The following CHD9 variants were observed in gnomAD, a reference collection of about 807,000 sequenced individuals.
CHD9 encodes ATP-dependent chromatin remodeler CHD9.
In CHD9, 77 loss-of-function variants were observed where a neutral mutation model predicts 316.1. The ratio of observed to expected loss-of-function variants is 0.24; its 90% CI spans 0.20 to 0.29. The LOEUF (loss-of-function observed/expected upper bound fraction) is 0.29, where lower values mean the gene tolerates loss of function less well. Among genes scored for constraint, CHD9 ranks in the 10% least tolerant of loss-of-function variants. The probability of loss-of-function intolerance (pLI) is 1.00; values close to 1 mark genes in which losing one functional copy is unlikely to be tolerated. For synonymous variants in CHD9, 1,129 were observed against 1,158.3 expected, an observed-to-expected ratio of 0.97 and a Z score of 0.51; for missense variants, 2,763 against 3,438.1, an observed-to-expected ratio of 0.80 and a Z score of 4.91.
At chr16:53,160,246 T>C (rs1297235288) in intron 2 of CHD9, among the ~76,000 whole-genome samples, 1 of 152,232 alleles carries the variant, frequency 6.6e-6, no homozygotes, top group East Asian at 1.9e-4. Flanking sequence ...CCTAAGACTT[T>C]ATCATTTTGA....
rs1455667283 is a variant in CHD9 at position 53,297,111 on chromosome 16, C to T, written c.5666C>T (p.Ala1889Val). 8 of 1,613,808 alleles carry T rather than the reference C, an allele frequency of 5.0e-6. No individual in the cohort carries two copies. The highest frequency in any genetic ancestry group is 1.7e-4 in the Middle Eastern group (1 of 6,058). The change falls in exon 30 of 39, where the codon GCA (alanine) becomes GTA (valine). Residue 1889 changes from alanine (A) to valine (V), a missense_variant. Ala to Val is a moderately conservative substitution (Grantham distance 64, BLOSUM62 0). Coordinates refer to ENST00000447540, the MANE Select transcript of CHD9 (RefSeq NM_001308319.2). ...TDDSLEKYLYAFMSMCRRVCR... is the reference protein window; with the variant it reads ...TDDSLEKYLYVFMSMCRRVCR... ...GATAGTTTGGAAAAATATTTGTACGCATTCATGTCCATGTGTCGGAGGGTT... is the reference window on the plus strand; with the variant it reads ...GATAGTTTGGAAAAATATTTGTACGTATTCATGTCCATGTGTCGGAGGGTT...
intron 36 of CHD9, among the ~76,000 whole-genome samples, chr16:53,315,386 T>C (rs2056801999): frequency 6.6e-6 from 1 of 152,232 alleles, no homozygotes; most frequent in African/African-American, 2.4e-5. Flanking sequence ...TATTGAAACT[T>C]AACTATGTGC....
chr16:53,152,795 A>C (rs774539978), intron 1 of CHD9, among the ~76,000 whole-genome samples: 1 of 152,164 alleles, frequency 6.6e-6, no homozygotes, highest in Non-Finnish European at 1.5e-5. Context: ...AATAGATGTA[A>C]GTTAGGGAAT....
In CHD9 at chr16:53,283,671, T is replaced by A. The variant is rs1272220233; in HGVS notation, c.4968-1925T>A. On this transcript the variant is annotated intron_variant, in intron 24 of 38. Coordinates refer to ENST00000447540, the MANE Select transcript of CHD9 (RefSeq NM_001308319.2). The stretch of plus-strand genomic sequence containing the variant: ...TTAATAACTCGTTCAAAAATAAATA[T>A]CTCTTTTTACTGTATTTCTCATTTC... Among the ~76,000 whole-genome samples the A allele has an allele frequency of 2.0e-5, 3 of 152,210 alleles. No homozygotes were observed. In the East Asian group the frequency reaches 5.8e-4, roughly 29 times the overall value.
chr16:53,057,370 AAGGCCGGGTGC>A (rs2032274688), intron 1 of CHD9, among the ~76,000 whole-genome samples: 1 of 148,508 alleles, frequency 6.7e-6, no homozygotes, highest in African/African-American at 2.5e-5. Flanking sequence ...AAGAGGAAAA[AAGGCCGGGTGC>A]AGTGGCTCAT....
chr16:53,096,258 C>A (rs1035178669), intron 1 of CHD9, among the ~76,000 whole-genome samples: 3 of 152,016 alleles, frequency 2.0e-5, no homozygotes, highest in African/African-American at 7.2e-5. Context: ...AGAATGCTTG[C>A]AAAGCCTTTC....
At chr16:53,143,523 A>G (rs948080248) in intron 1 of CHD9, among the ~76,000 whole-genome samples, 65 of 151,542 alleles carry the variant, frequency 4.3e-4, no homozygotes, top group Non-Finnish European at 1.9e-4. Flanking sequence ...CAGTAGCTGG[A>G]ACTACAGGCA....
In CHD9 at chr16:53,304,183, TGAA is replaced by T; in HGVS notation, c.6184_6186del (p.Glu2062del). On this transcript the variant is annotated inframe_deletion, in exon 31 of 39. Transcript: ENST00000447540. ...ACCTTAAAGAGGAGCCTCAGTCTTC[TGAA>T]GAAGAATCTATGTCTTCTGTGGAAA... The T allele has an allele frequency of 6.2e-7, 1 of 1,612,128 alleles. No homozygotes were observed. Among genetic ancestry groups the T allele is most frequent in the Non-Finnish European group, 8.5e-7 (1 of 1,178,970 alleles).
chr16:53,267,817 A>G, intron 21 of CHD9, 110 bp from the exon 22 acceptor site: 1 of 903,160 alleles, frequency 1.1e-6, no homozygotes, highest in South Asian at 1.7e-5. Context: ...GGAAGACTTA[A>G]TTAGCAAAAA....
At chr16:53,313,313 GT>G (rs1213927788) in intron 34 of CHD9, among the ~76,000 whole-genome samples, 4 of 151,530 alleles carry the variant, frequency 2.6e-5, no homozygotes, top group Non-Finnish European at 4.4e-5. Flanking sequence ...AGGACAAAGT[GT>G]TTTTTTTCTG....
intron 19 of CHD9, among the ~76,000 whole-genome samples, chr16:53,257,133 C>A (rs1314456942): frequency 6.6e-6 from 1 of 151,900 alleles, no homozygotes; most frequent in Non-Finnish European, 1.5e-5. Context: ...CATTGTTTTA[C>A]AAAGAGAAAG....
intron 2 of CHD9, among the ~76,000 whole-genome samples, chr16:53,184,280 C>G (rs193166887): frequency 6.6e-6 from 1 of 152,138 alleles, no homozygotes; most frequent in East Asian, 1.9e-4. Flanking sequence ...AGATATGGCA[C>G]TAAAAGAAAG....
chr16:53,190,050 C>G (rs528371661), intron 2 of CHD9, among the ~76,000 whole-genome samples: 8 of 152,172 alleles, frequency 5.3e-5, no homozygotes, highest in African/African-American at 1.9e-4. Flanking sequence ...CCCAACCCTA[C>G]CTCCCAAACT....
chr16:53,105,938 T>C (rs1266649217), intron 1 of CHD9, among the ~76,000 whole-genome samples: 1 of 151,948 alleles, frequency 6.6e-6, no homozygotes, highest in African/African-American at 2.4e-5. Flanking sequence ...TTCTCCTGCC[T>C]TTGCCTCCCA....
intron 1 of CHD9, among the ~76,000 whole-genome samples, chr16:53,151,129 G>GT (rs2041068881): frequency 6.7e-6 from 1 of 149,906 alleles, no homozygotes; most frequent in Non-Finnish European, 1.5e-5. Flanking sequence ...TGTCTCATAG[G>GT]TTTTTTTAGG....
chr16:53,088,836 G>A (rs190744196), intron 1 of CHD9, among the ~76,000 whole-genome samples: 8 of 152,026 alleles, frequency 5.3e-5, no homozygotes, highest in East Asian at 2.0e-4. Flanking sequence ...TAGCTCAGCC[G>A]GGCGTGGTGG....
chr16:53,156,025 A>G lies in CHD9; in HGVS notation c.-65A>G, dbSNP rs1225148450. On this transcript the variant is annotated 5_prime_UTR_variant, in exon 2 of 39. Coordinates refer to ENST00000447540, the MANE Select transcript of CHD9 (RefSeq NM_001308319.2). ...CTTCGGAAATGATCCAATAATATCT[A>G]CTATAGAGAAGCTGAATATACTCCA... 3.4e-6 allele frequency: 5 copies of G among 1,463,542 alleles called. No homozygotes were observed. The highest frequency in any genetic ancestry group is 2.3e-5 in the East Asian group (1 of 43,674). 90.7% of individuals were successfully genotyped at this position (1,463,542 alleles called of 1,614,324 possible).
chr16:53,122,049 T>C (rs2038764273), intron 1 of CHD9: 1 of 152,152 alleles, frequency 6.6e-6, no homozygotes, highest in Non-Finnish European at 1.5e-5. Context: ...CTGCATAAAA[T>C]GTGTAAAAGA....
chr16:53,305,806 G>T (rs757187474), intron 31 of CHD9, among the ~76,000 whole-genome samples: 1 of 152,132 alleles, frequency 6.6e-6, no homozygotes, highest in South Asian at 2.1e-4. Flanking sequence ...CGGGGTTGCC[G>T]CAAGAAACAT....
Sources: gnomAD v4.1 joint callset for allele counts (sites outside exome capture counted in the v4.1 genomes callset) on GRCh38, gnomAD v4.1.1 for gene constraint, MANE v1.5 for transcripts, NCBI Gene and HGNC (gene_info 2026-07-23, HGNC 2026-07-21) for gene names.